Variants in FREM1 observed in about 807,000 individuals in gnomAD.
FREM1 encodes FRAS1 related extracellular matrix 1, also known as FRAS1-related extracellular matrix protein 1.
In FREM1, 220 loss-of-function variants were observed where a neutral mutation model predicts 210.1. The observed-to-expected ratio is 1.05, with a 90% CI of 0.94 to 1.17. The LOEUF (loss-of-function observed/expected upper bound fraction) is 1.17. FREM1 is among the 50% of genes most tolerant of loss of function. FREM1 has a pLI of 0.00. For synonymous variants in FREM1, 1,189 were observed against 980.2 expected, an observed-to-expected ratio of 1.21 and a Z score of -3.98; for missense variants, 3,454 against 2,675.5, an observed-to-expected ratio of 1.29 and a Z score of -6.42.
At chr9:14,778,411 T>C (rs1189859998) in intron 24 of FREM1, among the ~76,000 whole-genome samples, 3 of 150,904 alleles carry the variant, frequency 2.0e-5, no homozygotes, top group African/African-American at 7.3e-5. Context: ...AGGAGTTCAA[T>C]ATCAGCCTGG....
chr9:14,877,034 G>C (rs1212972732), intron 1 of FREM1, among the ~76,000 whole-genome samples: 1 of 152,124 alleles, frequency 6.6e-6, no homozygotes, highest in Non-Finnish European at 1.5e-5. Flanking sequence ...CACTCCTGCA[G>C]TCCTCTTATC....
intron 10 of FREM1, among the ~76,000 whole-genome samples, chr9:14,837,684 G>A (rs559196196): frequency 6.6e-6 from 1 of 152,308 alleles, no homozygotes; most frequent in African/African-American, 2.4e-5. Flanking sequence ...GTCCCACAGA[G>A]AATTTCTGAA....
intron 1 of FREM1, among the ~76,000 whole-genome samples, chr9:14,879,087 G>A (rs1334469746): frequency 6.6e-6 from 1 of 151,458 alleles, no homozygotes; most frequent in Non-Finnish European, 1.5e-5. Context: ...AACCTGGGAG[G>A]CGGAGGTTGC....
Position 14,824,132 on chromosome 9 carries a change from A to G in FREM1, c.2079-17T>C. ...TCCAAGTGTCTAAAGAGAAATACAG[A>G]GGAGCACATCAGCTCATTTTTAGGT... On this transcript the variant is annotated splice_polypyrimidine_tract_variant and intron_variant, in intron 11 of 36. Coordinates refer to ENST00000380880, the MANE Select transcript of FREM1 (RefSeq NM_001379081.2). 1 of 1,483,190 alleles carries G rather than the reference A, an allele frequency of 6.7e-7. No homozygotes were observed. Among genetic ancestry groups the G allele is most frequent in the Non-Finnish European group, 9.3e-7 (1 of 1,079,408 alleles). 91.9% of individuals were successfully genotyped at this position (1,483,190 alleles called of 1,614,324 possible). A position where few individuals can be genotyped will look rare whatever the true frequency, so the allele number is the denominator to read the frequency against.
chr9:14,862,770 A>G (rs1022484960), intron 3 of FREM1, among the ~76,000 whole-genome samples: 4 of 152,186 alleles, frequency 2.6e-5, no homozygotes, highest in East Asian at 1.9e-4. Flanking sequence ...TTTACTTGGC[A>G]TAATGTTTTC....
intron 10 of FREM1, among the ~76,000 whole-genome samples, chr9:14,833,446 T>C (rs1823956234): frequency 6.6e-6 from 1 of 152,146 alleles, no homozygotes; most frequent in African/African-American, 2.4e-5. Flanking sequence ...GGGCTAAAAA[T>C]AAAATGGAGT....
intron 31 of FREM1, among the ~76,000 whole-genome samples, chr9:14,747,965 T>C (rs745636845): frequency 4.6e-5 from 7 of 152,218 alleles, no homozygotes; most frequent in Non-Finnish European, 1.0e-4. Context: ...AGTACATCTT[T>C]ATTTTTTGGT....
intron 1 of FREM1, among the ~76,000 whole-genome samples, chr9:14,877,124 T>C (rs1833903358): frequency 6.6e-6 from 1 of 151,932 alleles, no homozygotes; most frequent in Non-Finnish European, 1.5e-5. Flanking sequence ...TAGAGTCCAG[T>C]TGTAGGACCT....
chr9:14,868,219 T>C (rs1192035036), intron 2 of FREM1, among the ~76,000 whole-genome samples: 4 of 152,192 alleles, frequency 2.6e-5, no homozygotes, highest in Admixed American at 2.6e-4. Flanking sequence ...TGATCTCTTA[T>C]CCAAAGCCAC....
intron 3 of FREM1, among the ~76,000 whole-genome samples, chr9:14,860,584 C>CAT (rs1216650409): frequency 1.4e-4 from 16 of 115,630 alleles, no homozygotes; most frequent in African/African-American, 4.1e-4. Context: ...TATATATACA[C>CAT]ATATATATAC....
intron 36 of FREM1, among the ~76,000 whole-genome samples, chr9:14,739,426 G>A (rs908508855): frequency 4.2e-5 from 6 of 142,446 alleles, no homozygotes; most frequent in African/African-American, 1.6e-4. Context: ...TTGACTGGAG[G>A]TAAGTCATTT....
intron 20 of FREM1, among the ~76,000 whole-genome samples, chr9:14,801,278 G>A (rs746437020): frequency 4.6e-5 from 7 of 152,266 alleles, no homozygotes; most frequent in South Asian, 4.1e-4. Flanking sequence ...GATTACAGGC[G>A]TGAGCCACCA....
chr9:14,906,094 T>C (rs1216401033), intron 1 of FREM1, among the ~76,000 whole-genome samples: 1 of 152,188 alleles, frequency 6.6e-6, no homozygotes, highest in Non-Finnish European at 1.5e-5. Context: ...ATTATACTTG[T>C]ATTAGCCGTC....
chr9:14,759,808 C>G lies in FREM1; in HGVS notation c.5298G>C (p.Arg1766Ser), dbSNP rs1007997788. 6.2e-7 allele frequency: 1 copy of G among 1,612,518 alleles called. No individual in the cohort carries two copies. The highest frequency in any genetic ancestry group is 1.3e-5 in the African/African-American group (1 of 75,006). ...CAAAGGCCGAGTCCATGGAATATCC[C>G]CTTCTGATAATTTCCAAGGGCAACA... ...VGLLPLEIIR[R>S]GYSMDSAFVG... The change falls in exon 28 of 37, where the codon AGG (arginine) becomes AGC (serine). Residue 1766 changes from arginine to serine, a missense_variant. Transcript: ENST00000380880.
At chr9:14,831,956 T>C (rs1013364284) in intron 10 of FREM1, among the ~76,000 whole-genome samples, 3 of 152,200 alleles carry the variant, frequency 2.0e-5, no homozygotes, top group Non-Finnish European at 4.4e-5. Context: ...TCTACTGTTT[T>C]CATCTCCATC....
intron 7 of FREM1, 76 bp downstream of exon 7, chr9:14,848,589 C>A (rs968371462): frequency 6.5e-6 from 5 of 770,336 alleles, no homozygotes; most frequent in South Asian, 2.4e-5. Context: ...ATAAAACTAC[C>A]TTTCTTTCCT....
intron 1 of FREM1, among the ~76,000 whole-genome samples, chr9:14,886,895 CAAAAAAAA>C (rs59827471): frequency 9.4e-5 from 9 of 95,488 alleles, no homozygotes; most frequent in South Asian, 4.0e-4. Flanking sequence ...GACCTTGTTT[CAAAAAAAA>C]AAAAAAAAAA....
intron 15 of FREM1, 139 bp from the exon 16 acceptor site, chr9:14,813,203 C>A: frequency 1.1e-6 from 1 of 896,190 alleles, no homozygotes; most frequent in Non-Finnish European, 1.7e-6. Context: ...GAAATTTGGC[C>A]AAGTAATCTG....
Position 14,842,606 on chromosome 9 carries a change from T to C in FREM1, c.1448A>G (p.Tyr483Cys), listed in dbSNP as rs1356302858. The C allele has an allele frequency of 1.1e-5, 17 of 1,613,632 alleles. No individual in the cohort carries two copies. The highest frequency in any genetic ancestry group is 4.0e-5 in the African/African-American group (3 of 74,912). Residue 483 changes from tyrosine to cysteine, a missense_variant, in exon 9 of 37, where the codon TAT becomes TGT. Tyr to Cys is a radical substitution (Grantham distance 194). Coordinates refer to ENST00000380880, the MANE Select transcript of FREM1 (RefSeq NM_001379081.2). ...VADLQAGVVR[Y>C]HHDDSDSTKD... ...GGTGGAGTCGCTGTCATCATGATGA[T>C]AGCGAACAACTCCAGCCTGGAGGTC...
Sources: gnomAD v4.1 joint callset for allele counts (sites outside exome capture counted in the v4.1 genomes callset) on GRCh38, gnomAD v4.1.1 for gene constraint, MANE v1.5 for transcripts, NCBI Gene and HGNC (gene_info 2026-07-23, HGNC 2026-07-21) for gene names.